The following VARS1 variants were observed in gnomAD, a reference collection of about 807,000 sequenced individuals.
VARS1 encodes valine--tRNA ligase.
In VARS1, 92 loss-of-function variants were observed where a neutral mutation model predicts 161.0. The ratio of observed to expected loss-of-function variants is 0.57; its 90% CI spans 0.48 to 0.68. VARS1 has a LOEUF of 0.68. Ranked by LOEUF, VARS1 falls within the 30% of genes least tolerant of loss-of-function variation. VARS1 has a pLI of 0.00. For synonymous variants in VARS1, 595 were observed against 682.5 expected (o/e 0.87, Z 2.00); for missense variants, 1,338 against 1,695.9 (o/e 0.79, Z 3.71).
intron 8 of VARS1, among the ~76,000 whole-genome samples, chr6:31,788,766 G>A (rs1029786807): frequency 2.7e-5 from 4 of 149,756 alleles, no homozygotes; most frequent in Admixed American, 6.6e-5. Context: ...CCAAGATTGC[G>A]CCACCGCACT....
intron 8 of VARS1, among the ~76,000 whole-genome samples, chr6:31,789,230 C>T (rs959140157): frequency 6.6e-6 from 1 of 150,726 alleles, no homozygotes; most frequent in African/African-American, 2.4e-5. Context: ...AAATTGATAC[C>T]CAGAACAGGT....
chr6:31,795,250 C>T lies in VARS1; in HGVS notation c.-33G>A, dbSNP rs957469135. On this transcript the variant is annotated splice_region_variant and 5_prime_UTR_variant, in exon 2 of 30. Transcript: ENST00000375663. This position sits in a 1 kb window ranked among gnomAD's most constrained non-coding sequence, Gnocchi z 6.9. ...AGAAGGTCCGAACGAAGTGGAAAAACCTAAGGAGAAAGAGAGACAGGGGAA... is the reference window on the plus strand; with the variant it reads ...AGAAGGTCCGAACGAAGTGGAAAAATCTAAGGAGAAAGAGAGACAGGGGAA... 1.1e-5 allele frequency: 16 copies of T among 1,392,058 alleles called. No homozygotes were observed. Among genetic ancestry groups the T allele is most frequent in the Non-Finnish European group, 1.5e-5 (16 of 1,070,304 alleles). 86.2% of individuals were successfully genotyped at this position (1,392,058 alleles called of 1,614,324 possible). A position where few individuals can be genotyped will look rare whatever the true frequency, so the allele number is the denominator to read the frequency against.
Position 31,785,208 on chromosome 6 carries a change from C to G in VARS1, c.1347+38G>C. ...GTGGGGGTCCCACCCTGGGGAGACT[C>G]CTACTCCTGCCCCAGCTTTGACACT... On this transcript the variant is annotated intron_variant, in intron 10 of 29. Coordinates refer to ENST00000375663, the MANE Select transcript of VARS1 (RefSeq NM_006295.3). The surrounding 1 kb of genome is among the most constrained non-coding windows in gnomAD (Gnocchi z 6.1). 6.2e-7 allele frequency: 1 copy of G among 1,611,810 alleles called. No individual in the cohort carries two copies. The highest frequency in any genetic ancestry group is 8.5e-7 in the Non-Finnish European group (1 of 1,178,910).
chr6:31,781,966 A>G lies in VARS1; in HGVS notation c.2242-14T>C. On this transcript the variant is annotated splice_polypyrimidine_tract_variant and intron_variant, in intron 18 of 29. Coordinates refer to ENST00000375663, the MANE Select transcript of VARS1 (RefSeq NM_006295.3). This position sits in a 1 kb window ranked among gnomAD's most constrained non-coding sequence, Gnocchi z 6.8. Reference sequence around the variant, plus strand: ...CCCATCAGGGTCCTGCCACAGGTGCAGTGATTACCCAAGGGGGTGTGTCTG... The same window carrying G: ...CCCATCAGGGTCCTGCCACAGGTGCGGTGATTACCCAAGGGGGTGTGTCTG... 6.2e-7 allele frequency: 1 copy of G among 1,613,070 alleles called. No homozygotes were observed. Among genetic ancestry groups the G allele is most frequent in the Non-Finnish European group, 8.5e-7 (1 of 1,180,006 alleles).
At position 31,784,538 on chromosome 6, in the gene VARS1, C is replaced by T. The variant is rs747550536; in HGVS notation, c.1468-36G>A. 1.5e-5 allele frequency: 24 copies of T among 1,613,430 alleles called. No homozygotes were observed. Among genetic ancestry groups the T allele is most frequent in the Admixed American group, 1.2e-4 (7 of 60,004 alleles). On this transcript the variant is annotated intron_variant, in intron 11 of 29. Transcript: ENST00000375663. The surrounding 1 kb of genome is among the most constrained non-coding windows in gnomAD (Gnocchi z 6.1). ...GGTATTTAGAGGCGTGGCCCAGGGG[C>T]CAGGGCCAGGGCCAGGGTAGATTGG...
Position 31,779,667 on chromosome 6 carries a change from G to C in VARS1, c.3229C>G (p.Arg1077Gly), listed in dbSNP as rs1361023017. Residue 1077 changes from arginine to glycine, a missense_variant, in exon 27 of 30, where the codon CGG becomes GGG. Around this residue, in one of 3 missense-constraint regions of VARS1, gnomAD observed 433 missense variants for 586.2 expected, o/e 0.74. Coordinates refer to ENST00000375663, the MANE Select transcript of VARS1 (RefSeq NM_006295.3). The surrounding 1 kb of genome is among the most constrained non-coding windows in gnomAD (Gnocchi z 9.1). ...VTEELFQRLP[R>G]RMPQAPPSLC... is the part of the protein sequence containing the mutation. ...CTAGGGGGAGCTTGCGGCATCCTCC[G>C]GGGCAGCCTCTGGAACAGCTCCTCC... 1.9e-6 allele frequency: 3 copies of C among 1,612,900 alleles called. No individual in the cohort carries two copies. The highest frequency in any genetic ancestry group is 1.3e-5 in the African/African-American group (1 of 75,020).
In VARS1 at chr6:31,781,135, G is replaced by A. The variant is rs1481634552; in HGVS notation, c.2545-12C>T. ...GCATGGAGGTAGACCTGCAGAGCAG[G>A]TGGGGAGGCCCATGAGACTCAGTCC... On this transcript the variant is annotated splice_polypyrimidine_tract_variant and intron_variant, in intron 21 of 29. Transcript: ENST00000375663. This position sits in a 1 kb window ranked among gnomAD's most constrained non-coding sequence, Gnocchi z 6.8. 1.2e-6 allele frequency: 2 copies of A among 1,612,402 alleles called. No individual in the cohort carries two copies. The highest frequency in any genetic ancestry group is 3.3e-5 in the Admixed American group (2 of 60,016).
In VARS1 at chr6:31,782,285, C is replaced by A. The variant is rs773917211; in HGVS notation, c.2150G>T (p.Arg717Leu). Residue 717 changes from arginine to leucine, a missense_variant and splice_region_variant, in exon 17 of 30, where the codon CGG becomes CTG. Coordinates refer to ENST00000375663, the MANE Select transcript of VARS1 (RefSeq NM_006295.3). The surrounding 1 kb of genome is among the most constrained non-coding windows in gnomAD (Gnocchi z 8.3). ...RTWHAWMDNI[R>L]EWCISRQLWW... Reference sequence around the variant, plus strand: ...CTCCCACACTGAGGACCCTACACACCGGATGTTGTCCATCCAGGCATGCCA... The same window carrying A: ...CTCCCACACTGAGGACCCTACACACAGGATGTTGTCCATCCAGGCATGCCA... 1.6e-5 allele frequency: 25 copies of A among 1,612,364 alleles called. No homozygotes were observed. The highest frequency in any genetic ancestry group is 6.7e-5 in the African/African-American group (5 of 74,928).
At position 31,777,630 on chromosome 6, in the gene VARS1, C is replaced by A; in HGVS notation, c.3759G>T (p.Val1253=). The A allele has an allele frequency of 6.2e-7, 1 of 1,613,970 alleles. No homozygotes were observed. Among genetic ancestry groups the A allele is most frequent in the Non-Finnish European group, 8.5e-7 (1 of 1,179,958 alleles). ...TCTGGAATAGGGCGATGGCCTCATC[C>A]ACCTTCCTGAGCTCTGCTTCTGTCT... The part of the protein sequence containing the change: ...LQQTEAELRK[V]DEAIALFQKM... The change falls in exon 30 of 30, where the codon GTG becomes GTT. Residue 1253 remains valine (V), a synonymous_variant. Transcript: ENST00000375663. This position sits in a 1 kb window ranked among gnomAD's most constrained non-coding sequence, Gnocchi z 5.8.
At position 31,794,934 on chromosome 6, in the gene VARS1, A is replaced by C; in HGVS notation, c.284T>G (p.Leu95Arg). 1 of 1,612,880 alleles carries C rather than the reference A, an allele frequency of 6.2e-7. No individual in the cohort carries two copies. Among genetic ancestry groups the C allele is most frequent in the South Asian group, 1.1e-5 (1 of 91,080 alleles). The part of the protein sequence containing the change: ...GGPGGSRAAV[L>R]VQQWVSYADT... ...GGCGTAACTGACCCACTGTTGGACAAGGACAGCCGCCCGGCTGCCCCCTGG... is the reference window on the plus strand; with the variant it reads ...GGCGTAACTGACCCACTGTTGGACACGGACAGCCGCCCGGCTGCCCCCTGG... Residue 95 changes from leucine (L) to arginine (R), a missense_variant, in exon 2 of 30, where the codon CTT becomes CGT. Around this residue, in one of 3 missense-constraint regions of VARS1, gnomAD observed 902 missense variants for 1,090.3 expected, o/e 0.83. Transcript: ENST00000375663.
rs775953448 is a variant in VARS1, at chr6:31,794,945, C to T, written c.273G>A (p.Arg91=). 3.7e-6 allele frequency: 6 copies of T among 1,612,698 alleles called. No homozygotes were observed. The highest frequency in any genetic ancestry group is 4.2e-6 in the Non-Finnish European group (5 of 1,179,950). ...CCCACTGTTGGACAAGGACAGCCGC[C>T]CGGCTGCCCCCTGGGCCCCCCAGGC... The part of the protein sequence containing the change: ...PAGLGGPGGS[R]AAVLVQQWVS... The change falls in exon 2 of 30, where the codon CGG becomes CGA. Residue 91 remains arginine, a synonymous_variant. Coordinates refer to ENST00000375663, the MANE Select transcript of VARS1 (RefSeq NM_006295.3).
intron 13 of VARS1, among the ~76,000 whole-genome samples, chr6:31,783,883 G>A (rs1331837239): frequency 2.6e-5 from 4 of 151,988 alleles, no homozygotes; most frequent in South Asian, 2.1e-4. Flanking sequence ...GGCTAGTCTC[G>A]AACTCGTGAC....
chr6:31,777,762 G>C lies in VARS1; in HGVS notation c.3727-100C>G. Reference sequence around the variant, plus strand: ...TTGGAAAGATGAGCGAGGACCATGGGAGGTCAGTAGCTCAGAGGAGGCGTG... The same window carrying C: ...TTGGAAAGATGAGCGAGGACCATGGCAGGTCAGTAGCTCAGAGGAGGCGTG... On this transcript the variant is annotated intron_variant, in intron 29 of 29. Coordinates refer to ENST00000375663, the MANE Select transcript of VARS1 (RefSeq NM_006295.3). This position sits in a 1 kb window ranked among gnomAD's most constrained non-coding sequence, Gnocchi z 5.8. The C allele has an allele frequency of 1.4e-6, 2 of 1,403,978 alleles. No individual in the cohort carries two copies. The highest frequency in any genetic ancestry group is 2.0e-6 in the Non-Finnish European group (2 of 1,015,836). The allele number at this position is 1,403,978 out of a possible 1,614,324, so 87.0% of individuals were successfully genotyped here. A position where few individuals can be genotyped will look rare whatever the true frequency, so the allele number is the denominator to read the frequency against.
intron 4 of VARS1, 88 bp downstream of exon 4, chr6:31,792,669 A>G: frequency 6.3e-7 from 1 of 1,597,732 alleles, no homozygotes; most frequent in South Asian, 1.1e-5. Context: ...TGCCCCAGTG[A>G]TTCTGCCATT....
In VARS1 at chr6:31,778,919, T is replaced by C. The variant is rs1354290001; in HGVS notation, c.3726+48A>G. 6.2e-7 allele frequency: 1 copy of C among 1,611,408 alleles called. No homozygotes were observed. Among genetic ancestry groups the C allele is most frequent in the African/African-American group, 1.3e-5 (1 of 75,012 alleles). Reference sequence around the variant, plus strand: ...CTCGGACCAGCCCAGACCAGGGTTTTGATGGAGGAAGGGGATGGTGTGGGA... The same window carrying C: ...CTCGGACCAGCCCAGACCAGGGTTTCGATGGAGGAAGGGGATGGTGTGGGA... On this transcript the variant is annotated intron_variant, in intron 29 of 29. Transcript: ENST00000375663. This position sits in a 1 kb window ranked among gnomAD's most constrained non-coding sequence, Gnocchi z 5.1.
Position 31,783,244 on chromosome 6 carries a change from C to T in VARS1, c.1672-58G>A, listed in dbSNP as rs1813281207. 1.9e-6 allele frequency: 3 copies of T among 1,562,038 alleles called. No homozygotes were observed. In the South Asian group the frequency reaches 3.4e-5, roughly 18 times the overall value. Reference sequence around the variant, plus strand: ...GCAGGGCCAGACGCCGTGATTCCCACCTGTAATCCCAGAACTTTGGGAGGC... The same window carrying T: ...GCAGGGCCAGACGCCGTGATTCCCATCTGTAATCCCAGAACTTTGGGAGGC... On this transcript the variant is annotated intron_variant, in intron 13 of 29. Transcript: ENST00000375663.
rs1230283665 is a variant in VARS1, at chr6:31,779,682, A to G, written c.3214T>C (p.Phe1072Leu). ...GGCATCCTCCGGGGCAGCCTCTGGA[A>G]CAGCTCCTCCGTCACGAAGGGCATG... is the stretch of plus-strand genomic sequence containing the variant. Reference protein sequence around the residue: ...PFMPFVTEELFQRLPRRMPQA... With the variant: ...PFMPFVTEELLQRLPRRMPQA... The change falls in exon 27 of 30, where the codon TTC becomes CTC. Residue 1072 changes from phenylalanine to leucine, a missense_variant. Transcript: ENST00000375663. This position sits in a 1 kb window ranked among gnomAD's most constrained non-coding sequence, Gnocchi z 9.1. 6 of 1,612,964 alleles carry G rather than the reference A, an allele frequency of 3.7e-6. No homozygotes were observed. The highest frequency in any genetic ancestry group is 3.3e-4 in the Middle Eastern group (2 of 6,062).
chr6:31,782,600 G>A lies in VARS1; in HGVS notation c.1921C>T (p.Leu641=). The A allele has an allele frequency of 6.2e-7, 1 of 1,613,090 alleles. No individual in the cohort carries two copies. Among genetic ancestry groups the A allele is most frequent in the South Asian group, 1.1e-5 (1 of 91,082 alleles). ...LPRFEARKAV[L]VALKERGLFR... is the part of the protein sequence containing the mutation. ...AGTCCCCGCTCCTTCAGCGCCACCAGCACCGCTTTCCTGGCCTCAAACCTG... is the reference window on the plus strand; with the variant it reads ...AGTCCCCGCTCCTTCAGCGCCACCAACACCGCTTTCCTGGCCTCAAACCTG... Residue 641 remains leucine, a synonymous_variant, in exon 16 of 30, where the codon CTG becomes TTG. Coordinates refer to ENST00000375663, the MANE Select transcript of VARS1 (RefSeq NM_006295.3). The surrounding 1 kb of genome is among the most constrained non-coding windows in gnomAD (Gnocchi z 8.3).
chr6:31,788,787 C>T (rs1053415133), intron 8 of VARS1, among the ~76,000 whole-genome samples: 1 of 150,492 alleles, frequency 6.6e-6, no homozygotes, highest in African/African-American at 2.4e-5. Context: ...CCAGCCTGGG[C>T]GACAGAGAGA....
Sources: gnomAD v4.1 joint callset for allele counts (sites outside exome capture counted in the v4.1 genomes callset) on GRCh38, gnomAD v4.1.1 for gene constraint, gnomAD v4.1.1 regional missense constraint, Gnocchi (gnomAD v3.1) non-coding constraint, MANE v1.5 for transcripts, NCBI Gene and HGNC (gene_info 2026-07-23, HGNC 2026-07-21) for gene names.